The following PDCD6 variants were observed in gnomAD, a reference collection of about 807,000 sequenced individuals.
PDCD6 encodes the protein programmed cell death 6.
A neutral mutation model predicts 28.3 loss-of-function variants in PDCD6; 12 were observed. That is an observed-to-expected ratio of 0.42 (90% CI 0.27 to 0.69). PDCD6 has a LOEUF of 0.69. PDCD6 is among the 30% of genes least tolerant of loss of function. The probability of loss-of-function intolerance (pLI) is 0.22; values close to 1 mark genes in which losing one functional copy is unlikely to be tolerated. For synonymous variants in PDCD6, 92 were observed against 108.0 expected, an observed-to-expected ratio of 0.85 and a Z score of 0.92; for missense variants, 226 against 269.9, an observed-to-expected ratio of 0.84 and a Z score of 1.14.
At chr5:289,722 C>T (rs1739200976) in intron 2 of PDCD6, 2 of 861,134 alleles carry the variant, frequency 2.3e-6, no homozygotes, top group African/African-American at 3.3e-5. Context: ...GCAAATTTAC[C>T]TCTTTGCTGT....
At chr5:311,108 T>G in intron 4 of PDCD6, 185 bp from the exon 5 acceptor site, 1 of 596,192 alleles carries the variant, frequency 1.7e-6, no homozygotes, top group Non-Finnish European at 3.0e-6. Context: ...GTCAGCTCAT[T>G]ACAGAATGAT....
intron 4 of PDCD6, 128 bp downstream of exon 4, chr5:306,888 T>C: frequency 1.1e-6 from 1 of 876,580 alleles, no homozygotes; most frequent in Non-Finnish European, 1.9e-6. Flanking sequence ...GTTGACGTCA[T>C]GCAGGTTCAT....
In PDCD6 at chr5:306,856, A is replaced by C. The variant is rs1018025339; in HGVS notation, c.367+96A>C. 41 of 1,280,652 alleles carry C rather than the reference A, an allele frequency of 3.2e-5. No individual in the cohort carries two copies. In the Admixed American group the frequency reaches 7.0e-4, roughly 22 times the overall value. The allele number at this position is 1,280,652 out of a possible 1,614,324, so 79.3% of individuals were successfully genotyped here. ...CCTTGTTGGACTTAACTGATTGTCT[A>C]ACCAGGCTACGTAAAGTTTTTGTTG... On this transcript the variant is annotated intron_variant, in intron 4 of 5. Transcript: ENST00000264933.
In PDCD6 at chr5:314,728, G is replaced by T; in HGVS notation, c.*213G>T. The T allele has an allele frequency of 1.5e-6, 1 of 650,642 alleles. No individual in the cohort carries two copies. The highest frequency in any genetic ancestry group is 2.8e-6 in the Non-Finnish European group (1 of 352,050). 40.3% of individuals were successfully genotyped at this position (650,642 alleles called of 1,614,324 possible). A position where few individuals can be genotyped will look rare whatever the true frequency, so the allele number is the denominator to read the frequency against. ...CGTTCTAATGCAGACATTGGATTTGGTGACTGTCTCATTGTGCCATGAGGT... is the reference window on the plus strand; with the variant it reads ...CGTTCTAATGCAGACATTGGATTTGTTGACTGTCTCATTGTGCCATGAGGT... On this transcript the variant is annotated 3_prime_UTR_variant, in exon 6 of 6. Transcript: ENST00000264933.
At chr5:273,067 A>G (rs963461128) in intron 2 of PDCD6, 15 of 399,880 alleles carry the variant, frequency 3.8e-5, no homozygotes, top group Non-Finnish European at 6.6e-5. Flanking sequence ...TTAGCTCTGT[A>G]CAGCCGAAAG....
At chr5:279,515 G>A (rs1416415875) in intron 2 of PDCD6, among the ~76,000 whole-genome samples, 5 of 152,210 alleles carry the variant, frequency 3.3e-5, no homozygotes, top group South Asian at 2.1e-4. Flanking sequence ...GCCACGCCAC[G>A]GGTGCAGCAG....
intron 2 of PDCD6, among the ~76,000 whole-genome samples, chr5:282,178 C>T (rs1297788152): frequency 3.4e-5 from 5 of 147,052 alleles, no homozygotes; most frequent in African/African-American, 5.1e-5. Flanking sequence ...GCTGAAGACT[C>T]GGGGAGCAGC....
At chr5:299,862 T>A (rs1412311079) in intron 2 of PDCD6, among the ~76,000 whole-genome samples, 2 of 151,990 alleles carry the variant, frequency 1.3e-5, no homozygotes, top group Admixed American at 1.3e-4. Context: ...ATTTTTTTTT[T>A]TATTTTTTTA....
At chr5:295,264 A>G (rs547026351) in intron 2 of PDCD6, among the ~76,000 whole-genome samples, 2 of 152,360 alleles carry the variant, frequency 1.3e-5, no homozygotes, top group African/African-American at 2.4e-5. Context: ...TTGAGTTGAC[A>G]TCATCTACCT....
chr5:297,342 T>A (rs551406359), intron 2 of PDCD6, among the ~76,000 whole-genome samples: 25 of 152,384 alleles, frequency 1.6e-4, no homozygotes, highest in African/African-American at 6.0e-4. Context: ...TCCGTTACCC[T>A]TAAAAAGTAA....
chr5:302,107 T>TGC (rs1554007716), intron 2 of PDCD6, among the ~76,000 whole-genome samples: 6,596 of 111,588 alleles, frequency 0.059, 438 homozygotes, highest in Non-Finnish European at 0.076. Flanking sequence ...TGTGTGTGTG[T>TGC]GCCTTGGGTT....
chr5:306,824 C>A, intron 4 of PDCD6, 64 bp downstream of exon 4: 1 of 1,514,726 alleles, frequency 6.6e-7, no homozygotes, highest in South Asian at 1.1e-5. Context: ...CGTTGAAGTT[C>A]TTTAAACCTT....
chr5:278,452 G>C (rs1738343921), intron 2 of PDCD6, among the ~76,000 whole-genome samples: 1 of 151,536 alleles, frequency 6.6e-6, no homozygotes, highest in African/African-American at 2.4e-5. Flanking sequence ...GCTCATGCTT[G>C]TAATCCCAGC....
chr5:272,661 T>C lies in PDCD6; in HGVS notation c.102-50T>C, dbSNP rs751272086. 238 of 1,545,646 alleles carry C rather than the reference T, an allele frequency of 1.5e-4. 2 individuals are homozygous for C. The highest frequency in any genetic ancestry group is 1.9e-4 in the Non-Finnish European group (222 of 1,141,446). On this transcript the variant is annotated intron_variant, in intron 1 of 5. Coordinates refer to ENST00000264933, the MANE Select transcript of PDCD6 (RefSeq NM_013232.4). Reference sequence around the variant, plus strand: ...GGTTGACAGAAGACGTTTGTTTTGCTTTTCCTGAACTTTCGATCGCCAGCT... The same window carrying C: ...GGTTGACAGAAGACGTTTGTTTTGCCTTTCCTGAACTTTCGATCGCCAGCT...
At chr5:288,295 TATATATATATATATATACAC>T (rs1739106929) in intron 2 of PDCD6, among the ~76,000 whole-genome samples, 1 of 107,072 alleles carries the variant, frequency 9.3e-6, no homozygotes, top group African/African-American at 2.8e-5. Context: ...ATATATATTA[TATATATATATATATATACAC>T]ATATGTATAT....
intron 2 of PDCD6, 126 bp from the exon 3 acceptor site, chr5:304,051 G>A (rs1329035879): frequency 1.5e-6 from 2 of 1,370,540 alleles, no homozygotes; most frequent in African/African-American, 1.9e-5. Context: ...GTCACCTGGA[G>A]TGTCTAGAAA....
chr5:308,061 A>C (rs559730834), intron 4 of PDCD6: 1 of 152,314 alleles, frequency 6.6e-6, no homozygotes, highest in African/African-American at 2.4e-5. Flanking sequence ...AAGGGCTGGG[A>C]GGGAAGGATG....
intron 2 of PDCD6, among the ~76,000 whole-genome samples, chr5:297,099 A>G (rs1739668916): frequency 2.0e-5 from 3 of 152,174 alleles, no homozygotes; most frequent in African/African-American, 7.2e-5. Flanking sequence ...CAGGCCTCCC[A>G]GATGAATGAA....
intron 2 of PDCD6, among the ~76,000 whole-genome samples, chr5:287,406 A>C (rs933770338): frequency 1.3e-5 from 2 of 152,220 alleles, no homozygotes; most frequent in African/African-American, 4.8e-5. Context: ...GGAGCTTCTC[A>C]GTCCTCGGGA....
Sources: gnomAD v4.1 joint callset for allele counts (sites outside exome capture counted in the v4.1 genomes callset) on GRCh38, gnomAD v4.1.1 for gene constraint, MANE v1.5 for transcripts, NCBI Gene and HGNC (gene_info 2026-07-23, HGNC 2026-07-21) for gene names.